PRKN: variants seen among roughly 807,000 people sequenced by gnomAD.
PRKN encodes the protein parkin RBR E3 ubiquitin protein ligase, also known as E3 ubiquitin-protein ligase parkin.
In PRKN, 56 loss-of-function variants were observed where a neutral mutation model predicts 59.5. The observed-to-expected ratio is 0.94, with a 90% CI of 0.76 to 1.18. The LOEUF (loss-of-function observed/expected upper bound fraction) is 1.18, where lower values mean the gene tolerates loss of function less well. PRKN is among the 50% of genes most tolerant of loss of function. The pLI, the probability that PRKN is intolerant of heterozygous loss-of-function variation, is 0.00. For synonymous variants in PRKN, 250 were observed against 222.1 expected, an observed-to-expected ratio of 1.13 and a Z score of -1.12; for missense variants, 657 against 596.4, an observed-to-expected ratio of 1.10 and a Z score of -1.06.
chr6:161,826,783 A>T (rs1386185158), intron 6 of PRKN, among the ~76,000 whole-genome samples: 1 of 152,240 alleles, frequency 6.6e-6, no homozygotes, highest in Non-Finnish European at 1.5e-5. Flanking sequence ...ACAGAGAGGC[A>T]TGTAGGAACG....
intron 1 of PRKN, among the ~76,000 whole-genome samples, chr6:162,445,628 G>T (rs893203816): frequency 7.6e-6 from 1 of 130,986 alleles, no homozygotes; most frequent in Non-Finnish European, 1.6e-5. Flanking sequence ...GGAATTAGAG[G>T]TTTCAGTGAG....
rs961517025 is a variant in PRKN at position 161,551,196 on chromosome 6, T to C, written c.934-2193A>G. ...CAGTTTATGTAACTGAGAGATTGCC[T>C]GTGAGTGATTACTGCATAGATTTCT... On this transcript the variant is annotated intron_variant, in intron 8 of 11. Transcript: ENST00000366898. This position sits in a 1 kb window ranked among gnomAD's most constrained non-coding sequence, Gnocchi z 5.2. Among the ~76,000 whole-genome samples, 5 of 152,194 alleles carry C rather than the reference T, an allele frequency of 3.3e-5. No individual in the cohort carries two copies. The highest frequency in any genetic ancestry group is 7.3e-5 in the Non-Finnish European group (5 of 68,030).
At chr6:162,436,296 T>C (rs375592677) in intron 2 of PRKN, among the ~76,000 whole-genome samples, 2 of 151,570 alleles carry the variant, frequency 1.3e-5, no homozygotes, top group Non-Finnish European at 2.9e-5. Context: ...TACATAAATA[T>C]GTTACTAATG....
chr6:161,412,296 AT>A (rs1787609292), intron 9 of PRKN, among the ~76,000 whole-genome samples: 2 of 131,512 alleles, frequency 1.5e-5, no homozygotes, highest in African/African-American at 6.0e-5. Context: ...TCCTCCACTC[AT>A]TCCTCTGCTC....
chr6:162,277,563 T>G (rs2128105412), intron 2 of PRKN, among the ~76,000 whole-genome samples: 1 of 152,196 alleles, frequency 6.6e-6, no homozygotes, highest in Middle Eastern at 3.4e-3. Context: ...TTTAAAAAAA[T>G]TATCCAAAGC....
chr6:161,374,558 G>GTGTTATATATGTGTGCTGTGTA (rs1562403571), intron 10 of PRKN, among the ~76,000 whole-genome samples: 1 of 125,728 alleles, frequency 8.0e-6, no homozygotes. Context: ...TGTGTGATGT[G>GTGTTATATATGTGTGCTGTGTA]TGTGTGGTGT....
intron 1 of PRKN, among the ~76,000 whole-genome samples, chr6:162,726,606 A>T (rs7746602): frequency 0.049 from 7,451 of 152,248 alleles, 599 homozygotes; most frequent in African/African-American, 0.17. Flanking sequence ...TAACTTCACA[A>T]ATAAACAGAT....
At chr6:161,536,573 G>A (rs572887390) in intron 9 of PRKN, among the ~76,000 whole-genome samples, 1 of 152,300 alleles carries the variant, frequency 6.6e-6, no homozygotes, top group Admixed American at 6.5e-5. Flanking sequence ...TGCCAGCCAG[G>A]TGCTGGGGGT....
rs781115864 is a variant in PRKN, at chr6:161,636,912, G to A, written c.872-67496C>T. On this transcript the variant is annotated intron_variant, in intron 7 of 11. Coordinates refer to ENST00000366898, the MANE Select transcript of PRKN (RefSeq NM_004562.3). ...AAGCACACTGGAGAACTGCCTGAGC[G>A]CTCAGGTCTGTTCATGTTCATTTTA... Among the ~76,000 whole-genome samples the A allele has an allele frequency of 5.9e-5, 9 of 152,188 alleles. No homozygotes were observed. The South Asian group carries it at 6.2e-4, about 11-fold the overall frequency.
intron 1 of PRKN, among the ~76,000 whole-genome samples, chr6:162,651,108 C>T (rs1327632105): frequency 1.3e-5 from 2 of 151,994 alleles, no homozygotes; most frequent in Non-Finnish European, 2.9e-5. Flanking sequence ...CTGAGAGCAA[C>T]CACAATATGG....
chr6:162,210,157 C>T (rs903620128), intron 3 of PRKN, among the ~76,000 whole-genome samples: 2 of 97,334 alleles, frequency 2.1e-5, no homozygotes, highest in Non-Finnish European at 4.9e-5. Flanking sequence ...TCTCTGGAGC[C>T]ATGACCTCTT....
chr6:162,107,004 G>C lies in PRKN; in HGVS notation c.535-52830C>G, dbSNP rs1255152463. Among the ~76,000 whole-genome samples, 6 of 152,126 alleles carry C rather than the reference G, an allele frequency of 3.9e-5. No individual in the cohort carries two copies. In the East Asian group the frequency reaches 1.2e-3, roughly 29 times the overall value. On this transcript the variant is annotated intron_variant, in intron 4 of 11. Transcript: ENST00000366898. ...TTTGCTCTTTCAATACACATGAGGA[G>C]CTCGGTGTCACTCAACCTATCCGTA...
chr6:161,374,539 TGTGTGTG>T (rs1298317130), intron 10 of PRKN, among the ~76,000 whole-genome samples: 2 of 113,280 alleles, frequency 1.8e-5, no homozygotes, highest in African/African-American at 6.5e-5. Context: ...GTGTGGTGCA[TGTGTGTG>T]GTGTGTGATG....
chr6:162,619,302 C>A (rs1211973338), intron 1 of PRKN, among the ~76,000 whole-genome samples: 1 of 118,334 alleles, frequency 8.5e-6, no homozygotes, highest in Non-Finnish European at 1.7e-5. Context: ...ACCACCACAC[C>A]CGGCTAATTT....
intron 5 of PRKN, among the ~76,000 whole-genome samples, chr6:162,014,359 A>G (rs1474883633): frequency 6.6e-6 from 1 of 152,044 alleles, no homozygotes; most frequent in Non-Finnish European, 1.5e-5. Context: ...ACACTGCTAC[A>G]TACCTAGGTC....
intron 4 of PRKN, among the ~76,000 whole-genome samples, chr6:162,106,763 G>A (rs1780209185): frequency 6.6e-6 from 1 of 152,174 alleles, no homozygotes. Context: ...GCATATGTCT[G>A]ACCTTGTCCT....
chr6:161,716,569 G>T (rs1474741816), intron 7 of PRKN, among the ~76,000 whole-genome samples: 1 of 152,148 alleles, frequency 6.6e-6, no homozygotes, highest in Non-Finnish European at 1.5e-5. Flanking sequence ...CATTTACTGA[G>T]TACCTATTGT....
chr6:161,658,936 G>C (rs1259319177), intron 7 of PRKN, among the ~76,000 whole-genome samples: 1 of 152,214 alleles, frequency 6.6e-6, no homozygotes, highest in Admixed American at 6.5e-5. Flanking sequence ...TTCTGAACCT[G>C]CTTCAGAGGG....
chr6:162,004,101 C>T (rs898490912), intron 5 of PRKN, among the ~76,000 whole-genome samples: 1 of 152,128 alleles, frequency 6.6e-6, no homozygotes, highest in African/African-American at 2.4e-5. Flanking sequence ...TTGTAATCCC[C>T]AGTGTTGGAG....
Sources: allele counts gnomAD v4.1 joint callset (sites outside exome capture counted in the v4.1 genomes callset), GRCh38; gene constraint gnomAD v4.1.1; non-coding constraint Gnocchi (gnomAD v3.1); transcripts MANE v1.5; gene names NCBI Gene and HGNC (gene_info 2026-07-23, HGNC 2026-07-21).